Variants in ZCRB1 observed in about 807,000 individuals in gnomAD.
ZCRB1 encodes zinc finger CCHC-type and RNA-binding motif-containing protein 1.
Under a neutral mutation model 29.9 loss-of-function variants are expected in ZCRB1, and 21 were observed. That is an observed-to-expected ratio of 0.70 (90% CI 0.50 to 1.01). The LOEUF is 1.01. ZCRB1 is among the 50% of genes least tolerant of loss of function. The pLI, the probability that ZCRB1 is intolerant of heterozygous loss-of-function variation, is 0.00. For synonymous variants in ZCRB1, 77 were observed against 80.0 expected, an observed-to-expected ratio of 0.96 and a Z score of 0.20; for missense variants, 204 against 253.3, an observed-to-expected ratio of 0.81 and a Z score of 1.32.
rs1024079024 is a variant in ZCRB1 at position 42,312,801 on chromosome 12, A to G, written c.*266T>C. 16 of 213,838 alleles carry G rather than the reference A, an allele frequency of 7.5e-5. No homozygotes were observed. The highest frequency in any genetic ancestry group is 3.7e-4 in the African/African-American group (16 of 43,758). The allele number at this position is 213,838 out of a possible 1,614,324, so 13.2% of individuals were successfully genotyped here. On this transcript the variant is annotated 3_prime_UTR_variant, in exon 8 of 8. Transcript: ENST00000266529. ...AAATTCTCTTGAAAAGTTTATTAAT[A>G]TAAGTAACAATAAATCATTCAACTT...
Position 42,324,889 on chromosome 12 carries a change from C to G in ZCRB1, c.-2-785G>C, listed in dbSNP as rs572278729. On this transcript the variant is annotated intron_variant, in intron 1 of 7. Transcript: ENST00000266529. ...CCAGGTCAGAAAGAGCATGGGGACT[C>G]AGACAGAACCTTAGCCACTGATTTT... Among the ~76,000 whole-genome samples the G allele has an allele frequency of 2.0e-5, 3 of 152,326 alleles. No individual in the cohort carries two copies. In the South Asian group the frequency reaches 6.2e-4, roughly 32 times the overall value.
intron 3 of ZCRB1, among the ~76,000 whole-genome samples, chr12:42,321,810 CATA>C (rs906724901): frequency 3.3e-5 from 5 of 151,938 alleles, no homozygotes; most frequent in African/African-American, 1.2e-4. Flanking sequence ...TTTTTTGCCC[CATA>C]ATATAGTTGC....
intron 1 of ZCRB1, 131 bp from the exon 2 acceptor site, chr12:42,324,235 G>C (rs2068641699): frequency 1.4e-6 from 1 of 740,208 alleles, no homozygotes; most frequent in Non-Finnish European, 2.3e-6. Flanking sequence ...TGCAACCTCT[G>C]CTTCCCAGGT....
rs1377825519 is a variant in ZCRB1, at chr12:42,312,255, A to G, written c.*812T>C. On this transcript the variant is annotated 3_prime_UTR_variant, in exon 8 of 8. Coordinates refer to ENST00000266529, the MANE Select transcript of ZCRB1 (RefSeq NM_033114.4). ...CAAAGCAGAAAATTAAAGGCTCTCTAATCCCATTACCATATACCCACCTGC... is the reference window on the plus strand; with the variant it reads ...CAAAGCAGAAAATTAAAGGCTCTCTGATCCCATTACCATATACCCACCTGC... 6.6e-6 allele frequency: 1 copy of G among 152,202 alleles called. No homozygotes were observed. The highest frequency in any genetic ancestry group is 1.5e-5 in the Non-Finnish European group (1 of 68,020). The allele number at this position is 152,202 out of a possible 1,614,324, so 9.4% of individuals were successfully genotyped here.
chr12:42,314,227 T>C (rs1173497526), intron 5 of ZCRB1, among the ~76,000 whole-genome samples: 1 of 151,902 alleles, frequency 6.6e-6, no homozygotes, highest in South Asian at 2.1e-4. Flanking sequence ...GTAGTGGTAG[T>C]AGTCTTCTTT....
At chr12:42,321,291 G>A (rs1359548910) in intron 3 of ZCRB1, among the ~76,000 whole-genome samples, 2 of 152,178 alleles carry the variant, frequency 1.3e-5, no homozygotes, top group African/African-American at 4.8e-5. Flanking sequence ...AAGAAAAAAG[G>A]TAAAAGGGAG....
At chr12:42,317,222 T>A (rs1179426387) in intron 5 of ZCRB1, 118 bp downstream of exon 5, 13 of 644,494 alleles carry the variant, frequency 2.0e-5, no homozygotes, top group Non-Finnish European at 3.3e-5. Flanking sequence ...TATTAAAAAA[T>A]AAAGCATTTT....
rs371429013 is a variant in ZCRB1 at position 42,321,785 on chromosome 12, AC to A, written c.113+632del. Among the ~76,000 whole-genome samples the A allele has an allele frequency of 4.6e-5, 7 of 152,342 alleles. No homozygotes were observed. The East Asian group carries it at 1.3e-3, about 29-fold the overall frequency. ...TATTGGTTACAAGAAAGTTAGGATG[AC>A]AGTATCCTGTTACTTTTTTGCCCCA... is the stretch of plus-strand genomic sequence containing the variant. On this transcript the variant is annotated intron_variant, in intron 3 of 7. Transcript: ENST00000266529.
intron 2 of ZCRB1, among the ~76,000 whole-genome samples, chr12:42,322,843 C>G (rs1039199192): frequency 1.3e-5 from 2 of 152,152 alleles, no homozygotes; most frequent in African/African-American, 4.8e-5. Context: ...CAATTCTACC[C>G]TCACCACTAC....
intron 2 of ZCRB1, 56 bp downstream of exon 2, chr12:42,323,963 A>T: frequency 6.9e-7 from 1 of 1,453,206 alleles, no homozygotes; most frequent in Non-Finnish European, 9.5e-7. Flanking sequence ...AGGGAGAACT[A>T]TTTGCTTAAG....
chr12:42,314,200 T>C (rs1429720639), intron 5 of ZCRB1, among the ~76,000 whole-genome samples: 1 of 152,076 alleles, frequency 6.6e-6, no homozygotes, highest in South Asian at 2.1e-4. Flanking sequence ...TAGGACTATT[T>C]AGTAGTTTTA....
At chr12:42,317,733 G>A in intron 4 of ZCRB1, 54 bp downstream of exon 4, 2 of 1,516,630 alleles carry the variant, frequency 1.3e-6, no homozygotes, top group Non-Finnish European at 1.8e-6. Context: ...TTTTTGGCCT[G>A]GATGAGCATA....
At chr12:42,315,547 G>T (rs1340529575) in intron 5 of ZCRB1, among the ~76,000 whole-genome samples, 1 of 151,848 alleles carries the variant, frequency 6.6e-6, no homozygotes, top group African/African-American at 2.4e-5. Flanking sequence ...ACTAAAAAAG[G>T]ATTTAATGAA....
At chr12:42,321,563 T>C (rs967605822) in intron 3 of ZCRB1, among the ~76,000 whole-genome samples, 7 of 152,174 alleles carry the variant, frequency 4.6e-5, no homozygotes, top group African/African-American at 1.7e-4. Context: ...CTTTTTAAAA[T>C]CTGAACACCC....
At chr12:42,313,646 A>G in intron 7 of ZCRB1, 44 bp downstream of exon 7, 1 of 1,597,300 alleles carries the variant, frequency 6.3e-7, no homozygotes, top group East Asian at 2.2e-5. Context: ...ACTATAAACC[A>G]AGTCAACTAT....
At chr12:42,325,476 T>C (rs1468294097) in intron 1 of ZCRB1, 2 of 152,224 alleles carry the variant, frequency 1.3e-5, no homozygotes, top group Non-Finnish European at 2.9e-5. Context: ...TATATGTATA[T>C]AAAGTTTACA....
intron 1 of ZCRB1, 147 bp downstream of exon 1, chr12:42,325,777 C>T (rs1304800330): frequency 1.3e-5 from 2 of 152,262 alleles, no homozygotes; most frequent in Non-Finnish European, 2.9e-5. Context: ...CTATGCGTTA[C>T]ACGTTCTGCT....
At position 42,312,128 on chromosome 12, in the gene ZCRB1, A is replaced by G. The variant is rs958005895; in HGVS notation, c.*939T>C. On this transcript the variant is annotated 3_prime_UTR_variant, in exon 8 of 8. Transcript: ENST00000266529. Reference sequence around the variant, plus strand: ...TTTTAATATATTTTTTCTTGGGATGACAATAATAATATTACTATGATAGTA... The same window carrying G: ...TTTTAATATATTTTTTCTTGGGATGGCAATAATAATATTACTATGATAGTA... 1.3e-5 allele frequency: 2 copies of G among 152,074 alleles called. No homozygotes were observed. The highest frequency in any genetic ancestry group is 2.9e-5 in the Non-Finnish European group (2 of 68,014). The allele number at this position is 152,074 out of a possible 1,614,324, so 9.4% of individuals were successfully genotyped here.
chr12:42,314,780 T>C (rs1470183921), intron 5 of ZCRB1, among the ~76,000 whole-genome samples: 4 of 151,852 alleles, frequency 2.6e-5, no homozygotes, highest in Non-Finnish European at 5.9e-5. Flanking sequence ...GGGGAAACCC[T>C]GTCTCTACTA....
Sources: allele counts gnomAD v4.1 joint callset (sites outside exome capture counted in the v4.1 genomes callset), GRCh38; gene constraint gnomAD v4.1.1; transcripts MANE v1.5; gene names NCBI Gene and HGNC (gene_info 2026-07-23, HGNC 2026-07-21).